Variants in PTPRO observed in about 807,000 individuals in gnomAD.
The protein encoded by PTPRO is protein tyrosine phosphatase receptor type O.
A neutral mutation model predicts 145.2 loss-of-function variants in PTPRO; 62 were observed. The observed-to-expected ratio is 0.43, with a 90% confidence interval of 0.35 to 0.53. The LOEUF (loss-of-function observed/expected upper bound fraction) is 0.53, where lower values mean the gene tolerates loss of function less well. Ranked by LOEUF, PTPRO falls within the 20% of genes least tolerant of loss-of-function variation. The pLI is 0.01. For synonymous variants in PTPRO, 565 were observed against 514.7 expected, an observed-to-expected ratio of 1.10 and a Z score of -1.32; for missense variants, 1,345 against 1,482.7, an observed-to-expected ratio of 0.91 and a Z score of 1.53.
At chr12:15,438,457 G>A (rs1043602870) in intron 1 of PTPRO, among the ~76,000 whole-genome samples, 1 of 151,942 alleles carries the variant, frequency 6.6e-6, no homozygotes, top group Non-Finnish European at 1.5e-5. Flanking sequence ...TCAACAAAAG[G>A]AAATTTCTAA....
chr12:15,586,386 A>G (rs7306315), intron 23 of PTPRO, among the ~76,000 whole-genome samples: 6,565 of 152,246 alleles, frequency 0.043, 443 homozygotes, highest in African/African-American at 0.15. Flanking sequence ...GTACCCCACA[A>G]TTAGTCAGTC....
At chr12:15,359,836 C>T (rs886911451) in intron 1 of PTPRO, among the ~76,000 whole-genome samples, 3 of 152,134 alleles carry the variant, frequency 2.0e-5, no homozygotes, top group African/African-American at 7.2e-5. Flanking sequence ...CTAGGACTTT[C>T]TTCTCAGTTC....
At chr12:15,467,757 C>T (rs1941450033) in intron 1 of PTPRO, among the ~76,000 whole-genome samples, 1 of 152,160 alleles carries the variant, frequency 6.6e-6, no homozygotes, top group Non-Finnish European at 1.5e-5. Flanking sequence ...TTCTTCTTCC[C>T]TCAGGAGCCA....
intron 7 of PTPRO, among the ~76,000 whole-genome samples, chr12:15,511,166 G>T (rs1272572921): frequency 6.6e-6 from 1 of 152,200 alleles, no homozygotes; most frequent in East Asian, 1.9e-4. Flanking sequence ...GATTAAGACA[G>T]TCAGGAAAAA....
rs1943991936 is a variant in PTPRO, at chr12:15,569,625, C to T, written c.2829+127C>T. 8 of 792,184 alleles carry T rather than the reference C, an allele frequency of 1.0e-5. No individual in the cohort carries two copies. In the Middle Eastern group the frequency reaches 7.1e-4, roughly 70 times the overall value. 49.1% of individuals were successfully genotyped at this position (792,184 alleles called of 1,614,324 possible). On this transcript the variant is annotated intron_variant, in intron 19 of 26. Transcript: ENST00000281171. The stretch of plus-strand genomic sequence containing the variant: ...AAAAAGGGTATTGGCCTGGGGATTG[C>T]TGATCTGCTGGTTTAGAGCAAGGGT...
At chr12:15,359,081 G>A (rs568160477) in intron 1 of PTPRO, among the ~76,000 whole-genome samples, 72 of 152,240 alleles carry the variant, frequency 4.7e-4, no homozygotes, top group African/African-American at 1.5e-3. Context: ...GTTGGAACTG[G>A]GCTATGCTGA....
At position 15,501,446 on chromosome 12, in the gene PTPRO, G is replaced by T. The variant is rs374426199; in HGVS notation, c.662-174G>T. ...ATACATCATCCACAAAATGTTAGAA[G>T]TATGTATATGGAAAAAAACACAGCT... On this transcript the variant is annotated intron_variant, in intron 4 of 26. Transcript: ENST00000281171. Among the ~76,000 whole-genome samples, 9 of 152,212 alleles carry T rather than the reference G, an allele frequency of 5.9e-5. No individual in the cohort carries two copies. The East Asian group carries it at 1.5e-3, about 26-fold the overall frequency.
chr12:15,587,984 A>C (rs1323417697), intron 24 of PTPRO, among the ~76,000 whole-genome samples: 2 of 152,200 alleles, frequency 1.3e-5, no homozygotes, highest in East Asian at 1.9e-4. Flanking sequence ...CCTGGAAAGG[A>C]AAATGCTTCA....
chr12:15,505,478 C>T (rs936314823), intron 6 of PTPRO, among the ~76,000 whole-genome samples: 14 of 152,112 alleles, frequency 9.2e-5, no homozygotes, highest in Admixed American at 6.6e-4. Flanking sequence ...GAGAATATGT[C>T]GGAATTGCTC....
chr12:15,536,665 AG>A (rs1341885244), intron 12 of PTPRO, among the ~76,000 whole-genome samples: 1 of 152,202 alleles, frequency 6.6e-6, no homozygotes, highest in African/African-American at 2.4e-5. Flanking sequence ...TAGATTGTTC[AG>A]GGCAAGGATA....
chr12:15,424,647 C>T (rs1027818374), intron 1 of PTPRO, among the ~76,000 whole-genome samples: 10 of 151,862 alleles, frequency 6.6e-5, no homozygotes, highest in Admixed American at 6.6e-4. Context: ...AGAGGGTCAC[C>T]TTATCTCTTC....
intron 1 of PTPRO, among the ~76,000 whole-genome samples, chr12:15,480,515 C>T (rs957362136): frequency 2.0e-5 from 3 of 152,096 alleles, no homozygotes; most frequent in African/African-American, 7.2e-5. Context: ...CCTGACCTCC[C>T]CATGCATGGC....
At chr12:15,393,428 A>C (rs1939245559) in intron 1 of PTPRO, among the ~76,000 whole-genome samples, 1 of 152,182 alleles carries the variant, frequency 6.6e-6, no homozygotes, top group African/African-American at 2.4e-5. Flanking sequence ...CACATTCATA[A>C]TGGATCATTG....
intron 1 of PTPRO, chr12:15,440,188 C>T: frequency 1.5e-6 from 1 of 685,530 alleles, no homozygotes; most frequent in Non-Finnish European, 2.6e-6. Flanking sequence ...TCAATGACTG[C>T]TACACCTTAG....
At chr12:15,489,495 TTTAG>T (rs1941956752) in intron 2 of PTPRO, among the ~76,000 whole-genome samples, 4 of 152,194 alleles carry the variant, frequency 2.6e-5, no homozygotes, top group Non-Finnish European at 5.9e-5. Flanking sequence ...TTATGCCCCT[TTTAG>T]ACCATATAGA....
intron 6 of PTPRO, among the ~76,000 whole-genome samples, chr12:15,507,454 G>C (rs561869947): frequency 6.2e-5 from 6 of 96,732 alleles, no homozygotes; most frequent in African/African-American, 2.0e-4. Context: ...AATAAATAAG[G>C]AATGAAATAC....
intron 1 of PTPRO, among the ~76,000 whole-genome samples, chr12:15,347,551 G>C (rs1228909235): frequency 3.3e-5 from 5 of 152,126 alleles, no homozygotes; most frequent in South Asian, 4.1e-4. Flanking sequence ...TTCTAAGGGA[G>C]GGACCATGTT....
intron 5 of PTPRO, among the ~76,000 whole-genome samples, chr12:15,502,911 G>C (rs1942250241): frequency 6.6e-6 from 1 of 151,982 alleles, no homozygotes; most frequent in Non-Finnish European, 1.5e-5. Flanking sequence ...CTTATTTTTA[G>C]GGTGAGAGTT....
intron 22 of PTPRO, among the ~76,000 whole-genome samples, chr12:15,581,299 T>TTC (rs1944310655): frequency 3.3e-4 from 1 of 3,000 alleles, no homozygotes; most frequent in Admixed American, 0.016. Flanking sequence ...GAGTGCTTTC[T>TTC]TTTTTTTTTT....
Sources: allele counts gnomAD v4.1 joint callset (sites outside exome capture counted in the v4.1 genomes callset), GRCh38; gene constraint gnomAD v4.1.1; transcripts MANE v1.5; gene names NCBI Gene and HGNC (gene_info 2026-07-23, HGNC 2026-07-21).